MALRD1: variants seen among roughly 807,000 people sequenced by gnomAD.
MALRD1 encodes the protein MAM and LDL-receptor class A domain-containing protein 1.
In MALRD1, 247 loss-of-function variants were observed where a neutral mutation model predicts 242.1. The observed-to-expected ratio is 1.02, with a 90% CI of 0.92 to 1.13. MALRD1 has a LOEUF of 1.13. MALRD1 is among the 50% of genes most tolerant of loss of function. The pLI is 0.00. For missense variants in MALRD1, 2,989 were observed against 2,533.1 expected, an observed-to-expected ratio of 1.18 and a Z score of -3.86; for synonymous variants, 995 against 866.6, an observed-to-expected ratio of 1.15 and a Z score of -2.60.
intron 14 of MALRD1, among the ~76,000 whole-genome samples, chr10:19,186,837 A>G (rs1441813466): frequency 1.3e-5 from 2 of 151,772 alleles, no homozygotes; most frequent in South Asian, 2.1e-4. Context: ...ACATGCCACT[A>G]CTCTTGTTCA....
At chr10:19,714,725 G>C (rs1420823304) in intron 38 of MALRD1, among the ~76,000 whole-genome samples, 1 of 152,016 alleles carries the variant, frequency 6.6e-6, no homozygotes, top group Non-Finnish European at 1.5e-5. Flanking sequence ...ATAAAAGACG[G>C]GAATCAGCAA....
At chr10:19,275,241 T>TA (rs879902917) in intron 19 of MALRD1, among the ~76,000 whole-genome samples, 8 of 152,228 alleles carry the variant, frequency 5.3e-5, no homozygotes, top group Admixed American at 1.3e-4. Context: ...GTCATTTTTT[T>TA]AAAGAAAAGA....
intron 24 of MALRD1, among the ~76,000 whole-genome samples, chr10:19,342,000 A>G (rs1298565708): frequency 1.3e-5 from 2 of 152,124 alleles, no homozygotes; most frequent in Non-Finnish European, 2.9e-5. Context: ...ATATAACTAT[A>G]TAGCGTTCTC....
intron 36 of MALRD1, among the ~76,000 whole-genome samples, chr10:19,654,600 T>C (rs1289925641): frequency 6.6e-6 from 1 of 152,216 alleles, no homozygotes; most frequent in African/African-American, 2.4e-5. Context: ...TTGCTTTCGC[T>C]TACTCTCAAT....
At chr10:19,599,706 T>C (rs1168405272) in intron 34 of MALRD1, among the ~76,000 whole-genome samples, 1 of 152,052 alleles carries the variant, frequency 6.6e-6, no homozygotes, top group Non-Finnish European at 1.5e-5. Context: ...TAAGGGATAG[T>C]AAGAGTGGGG....
chr10:19,681,261 G>C (rs1842359980), intron 36 of MALRD1, among the ~76,000 whole-genome samples: 2 of 152,110 alleles, frequency 1.3e-5, no homozygotes, highest in Admixed American at 6.6e-5. Context: ...TTCCAACCTG[G>C]TTCCATTTTC....
At chr10:19,716,484 G>A (rs1464816031) in intron 38 of MALRD1, among the ~76,000 whole-genome samples, 1 of 152,122 alleles carries the variant, frequency 6.6e-6, no homozygotes, top group African/African-American at 2.4e-5. Flanking sequence ...ATTTCCTCAG[G>A]CATCCCCAGA....
chr10:19,244,338 C>T lies in MALRD1; in HGVS notation c.2992-13346C>T, dbSNP rs79569252. On this transcript the variant is annotated intron_variant, in intron 18 of 39. Coordinates refer to ENST00000454679, the MANE Select transcript of MALRD1 (RefSeq NM_001142308.3). The stretch of plus-strand genomic sequence containing the variant: ...CTGTAAACTCAGTACTTTGGGAATT[C>T]AAGGCAGGTGGATTGCTTGAGTCTT... Among the ~76,000 whole-genome samples the T allele has an allele frequency of 6.0e-4, 92 of 152,188 alleles. No homozygotes were observed. In the East Asian group the frequency reaches 0.013, roughly 22 times the overall value.
chr10:19,384,508 T>C (rs1367366161), intron 26 of MALRD1, among the ~76,000 whole-genome samples: 3 of 117,814 alleles, frequency 2.5e-5, no homozygotes. Context: ...ATTTACTATA[T>C]ATTATATATT....
chr10:19,268,690 G>T (rs1028526854), intron 19 of MALRD1, among the ~76,000 whole-genome samples: 1 of 152,152 alleles, frequency 6.6e-6, no homozygotes, highest in African/African-American at 2.4e-5. Flanking sequence ...ATTTATCAAG[G>T]ACTAGAGATG....
At chr10:19,586,423 T>G (rs918251174) in intron 33 of MALRD1, among the ~76,000 whole-genome samples, 54 of 152,162 alleles carry the variant, frequency 3.5e-4, no homozygotes, top group African/African-American at 1.0e-3. Context: ...GTCCTTTCTG[T>G]TTGTTAGTTT....
chr10:19,385,554 T>A (rs1846038746), intron 26 of MALRD1, among the ~76,000 whole-genome samples: 1 of 152,056 alleles, frequency 6.6e-6, no homozygotes, highest in Non-Finnish European at 1.5e-5. Flanking sequence ...GTCTCAATGA[T>A]CCTTTATGTG....
At chr10:19,307,077 A>G (rs1842244674) in intron 21 of MALRD1, among the ~76,000 whole-genome samples, 1 of 151,530 alleles carries the variant, frequency 6.6e-6, no homozygotes, top group African/African-American at 2.4e-5. Context: ...AGGGAACAAC[A>G]TTTTAAAAAT....
chr10:19,109,580 T>C (rs1429412947), intron 5 of MALRD1, among the ~76,000 whole-genome samples: 1 of 152,196 alleles, frequency 6.6e-6, no homozygotes, highest in African/African-American at 2.4e-5. Flanking sequence ...ATTTGAAGAC[T>C]GGAATGCCTC....
chr10:19,656,472 A>G (rs1406278612), intron 36 of MALRD1, among the ~76,000 whole-genome samples: 1 of 152,176 alleles, frequency 6.6e-6, no homozygotes, highest in Admixed American at 6.6e-5. Flanking sequence ...ATGATTTAGA[A>G]TAATAATAAG....
chr10:19,567,812 A>G (rs1437277961), intron 33 of MALRD1, 109 bp downstream of exon 33: 3 of 962,112 alleles, frequency 3.1e-6, no homozygotes, highest in Middle Eastern at 3.4e-4. Flanking sequence ...GTCCAGTTCT[A>G]TTTACACATG....
intron 36 of MALRD1, among the ~76,000 whole-genome samples, chr10:19,629,788 C>T (rs1839826767): frequency 6.6e-6 from 1 of 152,134 alleles, no homozygotes; most frequent in Non-Finnish European, 1.5e-5. Context: ...AATCAGGCCT[C>T]CCCAGTGGCC....
intron 28 of MALRD1, among the ~76,000 whole-genome samples, chr10:19,417,271 C>T (rs1227619639): frequency 6.6e-6 from 1 of 152,146 alleles, no homozygotes; most frequent in African/African-American, 2.4e-5. Flanking sequence ...TCCTATCAAA[C>T]TGCCTAATCA....
intron 32 of MALRD1, among the ~76,000 whole-genome samples, 185 bp from the exon 33 acceptor site, chr10:19,567,317 A>G (rs897609424): frequency 6.6e-6 from 1 of 152,124 alleles, no homozygotes; most frequent in Admixed American, 6.5e-5. Context: ...AGGTCCTACT[A>G]ACCCAGGAAA....
Sources: allele counts gnomAD v4.1 joint callset (sites outside exome capture counted in the v4.1 genomes callset), GRCh38; gene constraint gnomAD v4.1.1; transcripts MANE v1.5; gene names NCBI Gene and HGNC (gene_info 2026-07-23, HGNC 2026-07-21).